The following SOS1 variants were observed in gnomAD, a reference collection of about 807,000 sequenced individuals.
SOS1 encodes the protein SOS Ras/Rac guanine nucleotide exchange factor 1.
In SOS1, 25 loss-of-function variants were observed where a neutral mutation model predicts 157.6. The ratio of observed to expected loss-of-function variants is 0.16; its 90% confidence interval spans 0.12 to 0.22. The LOEUF is 0.22. SOS1 is among the 10% of genes least tolerant of loss of function. The probability of loss-of-function intolerance (pLI) is 1.00; values close to 1 mark genes in which losing one functional copy is unlikely to be tolerated. For synonymous variants in SOS1, 528 were observed against 534.0 expected, an observed-to-expected ratio of 0.99 and a Z score of 0.16; for missense variants, 1,237 against 1,599.1, an observed-to-expected ratio of 0.77 and a Z score of 3.86.
chr2:39,110,140 C>T (rs1673369181), intron 1 of SOS1, among the ~76,000 whole-genome samples: 1 of 150,732 alleles, frequency 6.6e-6, no homozygotes. Context: ...CCAGGACCTC[C>T]CTCAGATACC....
In SOS1 at chr2:38,986,327, AAAG is replaced by A; in HGVS notation, c.3511-15_3511-13del. ...TGCTTAGACATAATCTAACAAATGAAAAGAATAAAATACACATTTATTAATAAA... is the reference window on the plus strand; with the variant it reads ...TGCTTAGACATAATCTAACAAATGAAAATAAAATACACATTTATTAATAAA... On this transcript the variant is annotated splice_polypyrimidine_tract_variant and intron_variant, in intron 22 of 22. Coordinates refer to ENST00000402219, the MANE Select transcript of SOS1 (RefSeq NM_005633.4). 1 of 1,607,382 alleles carries A rather than the reference AAAG, an allele frequency of 6.2e-7. No individual in the cohort carries two copies. The highest frequency in any genetic ancestry group is 8.5e-7 in the Non-Finnish European group (1 of 1,175,732).
chr2:39,043,681 C>T (rs368433255), intron 6 of SOS1, among the ~76,000 whole-genome samples: 128 of 152,272 alleles, frequency 8.4e-4, no homozygotes, highest in African/African-American at 3.1e-3. Context: ...AGAGTCCTGA[C>T]GCGGTGCAGG....
At chr2:39,094,874 C>T (rs1672717172) in intron 1 of SOS1, among the ~76,000 whole-genome samples, 1 of 152,064 alleles carries the variant, frequency 6.6e-6, no homozygotes, top group South Asian at 2.1e-4. Flanking sequence ...GCTACTTTTC[C>T]CTATTCCCCT....
chr2:39,012,221 T>A lies in SOS1; in HGVS notation c.2295A>T (p.Ile765=). The A allele has an allele frequency of 6.2e-7, 1 of 1,613,688 alleles. No individual in the cohort carries two copies. The highest frequency in any genetic ancestry group is 1.1e-5 in the South Asian group (1 of 91,082). Residue 765 remains isoleucine, a synonymous_variant, in exon 14 of 23, where the codon ATA becomes ATT. Transcript: ENST00000402219. ...QSSPPTVEWH[I]SRPGHIETFD... Reference sequence around the variant, plus strand: ...AAGTCTCTATGTGCCCAGGTCTGCTTATATGCCACTCAACTGTGGGAGGTG... The same window carrying A: ...AAGTCTCTATGTGCCCAGGTCTGCTAATATGCCACTCAACTGTGGGAGGTG...
chr2:39,052,982 G>A (rs560928348), intron 5 of SOS1, among the ~76,000 whole-genome samples: 4 of 151,948 alleles, frequency 2.6e-5, no homozygotes, highest in Non-Finnish European at 5.9e-5. Flanking sequence ...GTGAAACCCC[G>A]CCTCTACTAA....
chr2:39,113,242 G>C (rs1458436515), intron 1 of SOS1, among the ~76,000 whole-genome samples: 3 of 152,070 alleles, frequency 2.0e-5, no homozygotes, highest in African/African-American at 4.8e-5. Flanking sequence ...CCAGGCTGGA[G>C]TGCAGTAGCC....
At chr2:39,010,748 A>C in intron 14 of SOS1, 45 bp from the exon 15 acceptor site, 1 of 1,486,118 alleles carries the variant, frequency 6.7e-7, no homozygotes, top group Non-Finnish European at 9.4e-7. Flanking sequence ...TTTTTCTCTA[A>C]TATAGACATT....
intron 10 of SOS1, among the ~76,000 whole-genome samples, chr2:39,016,392 G>A (rs1291051969): frequency 6.6e-6 from 1 of 151,990 alleles, no homozygotes; most frequent in Non-Finnish European, 1.5e-5. Flanking sequence ...GTATTTTATT[G>A]TTTGTCTTCA....
chr2:39,095,064 C>T (rs1466628431), intron 1 of SOS1, among the ~76,000 whole-genome samples: 1 of 152,158 alleles, frequency 6.6e-6, no homozygotes, highest in Non-Finnish European at 1.5e-5. Flanking sequence ...TCTCAGCTAC[C>T]ATAACAGCCA....
intron 6 of SOS1, among the ~76,000 whole-genome samples, chr2:39,037,050 T>G (rs895443282): frequency 6.6e-6 from 1 of 152,222 alleles, no homozygotes; most frequent in Non-Finnish European, 1.5e-5. Flanking sequence ...GGTTGTTGCA[T>G]TTTGCAATAT....
rs1668534690 is a variant in SOS1, at chr2:38,985,714, G to T, written c.*110C>A. ...TTATACTGCATCTTGAAGAAGAGTC[G>T]TTAGTGTTTGGAGTTCTCATTTTAA... On this transcript the variant is annotated 3_prime_UTR_variant, in exon 23 of 23. Transcript: ENST00000402219. The T allele has an allele frequency of 8.5e-7, 1 of 1,182,014 alleles. No individual in the cohort carries two copies. Among genetic ancestry groups the T allele is most frequent in the Non-Finnish European group, 1.3e-6 (1 of 788,962 alleles). The allele number at this position is 1,182,014 out of a possible 1,614,324, so 73.2% of individuals were successfully genotyped here. A position where few individuals can be genotyped will look rare whatever the true frequency, so the allele number is the denominator to read the frequency against.
chr2:39,031,383 G>A (rs1249464666), intron 8 of SOS1, among the ~76,000 whole-genome samples: 1 of 152,140 alleles, frequency 6.6e-6, no homozygotes, highest in East Asian at 1.9e-4. Context: ...AAGGAACAAA[G>A]AAAAAGTTAA....
At position 39,087,252 on chromosome 2, in the gene SOS1, G is replaced by A. The variant is rs571832775; in HGVS notation, c.88-19499C>T. On this transcript the variant is annotated intron_variant, in intron 1 of 22. Transcript: ENST00000402219. ...AATCATATTAATTAGTATTTATTAA[G>A]TATTAACATAGTAATACTTCATAAG... Among the ~76,000 whole-genome samples the A allele has an allele frequency of 3.9e-3, 591 of 152,286 alleles. 7 individuals are homozygous for A. The highest frequency in any genetic ancestry group is 0.013 in the African/African-American group (561 of 41,558).
At position 39,121,011 on chromosome 2, in the gene SOS1, C is replaced by T. The variant is rs1283883928; in HGVS notation, c.-589G>A. 1.2e-5 allele frequency: 2 copies of T among 172,662 alleles called. No homozygotes were observed. The highest frequency in any genetic ancestry group is 1.2e-5 in the Non-Finnish European group (1 of 83,616). 10.7% of individuals were successfully genotyped at this position (172,662 alleles called of 1,614,324 possible). The stretch of plus-strand genomic sequence containing the variant: ...GCCGCCACCGCCGCCGCCGGTGTAG[C>T]GCTGGAGCTTCCTACTAGCGAACTG... On this transcript the variant is annotated 5_prime_UTR_variant, in exon 1 of 23. Transcript: ENST00000402219.
chr2:39,005,738 T>C (rs1200725772), intron 17 of SOS1, among the ~76,000 whole-genome samples: 1 of 151,816 alleles, frequency 6.6e-6, no homozygotes, highest in East Asian at 1.9e-4. Context: ...GAAGAAACTA[T>C]AGCACATACT....
intron 2 of SOS1, among the ~76,000 whole-genome samples, chr2:39,060,481 C>T (rs1671363323): frequency 6.6e-6 from 1 of 152,178 alleles, no homozygotes; most frequent in Non-Finnish European, 1.5e-5. Flanking sequence ...GGCTGGAGTG[C>T]AGTGGTGCAA....
At chr2:38,988,095 A>G (rs928969388) in intron 21 of SOS1, among the ~76,000 whole-genome samples, 9 of 152,184 alleles carry the variant, frequency 5.9e-5, no homozygotes, top group Non-Finnish European at 1.2e-4. Flanking sequence ...ATGCAAGGGA[A>G]AGAATCATAG....
Position 39,022,598 on chromosome 2 carries a change from T to A in SOS1, c.1830A>T (p.Ile610=), listed in dbSNP as rs763596908. ...IIKAGTVIKL[I]ERLTYHMYAD... is the part of the protein sequence containing the mutation. Reference sequence around the variant, plus strand: ...CGTACATATGGTACGTAAGCCTCTCTATAAGTTTAATAACAGTTCCTGCTT... The same window carrying A: ...CGTACATATGGTACGTAAGCCTCTCAATAAGTTTAATAACAGTTCCTGCTT... The change falls in exon 10 of 23, where the codon ATA becomes ATT. Residue 610 remains isoleucine (I), a synonymous_variant. Transcript: ENST00000402219. 2 of 1,613,446 alleles carry A rather than the reference T, an allele frequency of 1.2e-6. No individual in the cohort carries two copies. The highest frequency in any genetic ancestry group is 1.7e-6 in the Non-Finnish European group (2 of 1,179,480).
rs116450266 is a variant in SOS1 at position 39,005,655 on chromosome 2, G to A, written c.2791+757C>T. Among the ~76,000 whole-genome samples, 854 of 152,110 alleles carry A rather than the reference G, an allele frequency of 5.6e-3. 17 individuals carry two copies. Among genetic ancestry groups the A allele is most frequent in the African/African-American group, 0.02 (818 of 41,538 alleles). ...TAAAATGTGGGAAAATATATTAAAA[G>A]TATCAGGACATAACATTGTTATATG... is the stretch of plus-strand genomic sequence containing the variant. On this transcript the variant is annotated intron_variant, in intron 17 of 22. Coordinates refer to ENST00000402219, the MANE Select transcript of SOS1 (RefSeq NM_005633.4).
Sources: gnomAD v4.1 joint callset for allele counts (sites outside exome capture counted in the v4.1 genomes callset) on GRCh38, gnomAD v4.1.1 for gene constraint, MANE v1.5 for transcripts, NCBI Gene and HGNC (gene_info 2026-07-23, HGNC 2026-07-21) for gene names.